The following DACH1 variants were observed in gnomAD, a reference collection of about 807,000 sequenced individuals.
The protein encoded by DACH1 is dachshund homolog 1.
A neutral mutation model predicts 54.2 loss-of-function variants in DACH1; 12 were observed. The observed-to-expected ratio is 0.22, with a 90% CI of 0.14 to 0.36. DACH1 has a LOEUF of 0.36. DACH1 is among the 10% of genes least tolerant of loss of function. The probability of loss-of-function intolerance (pLI) is 1.00; values close to 1 mark genes in which losing one functional copy is unlikely to be tolerated. For missense variants in DACH1, 805 were observed against 929.8 expected (o/e 0.87, Z 1.75); for synonymous variants, 386 against 366.2 (o/e 1.05, Z -0.62).
At chr13:71,850,222 G>C (rs1046178515) in intron 1 of DACH1, among the ~76,000 whole-genome samples, 1 of 152,110 alleles carries the variant, frequency 6.6e-6, no homozygotes, top group Non-Finnish European at 1.5e-5. Flanking sequence ...CTGATTACTG[G>C]CTACCTCCTT....
chr13:71,852,215 G>A (rs562270721), intron 1 of DACH1, among the ~76,000 whole-genome samples: 75 of 152,280 alleles, frequency 4.9e-4, no homozygotes, highest in African/African-American at 1.6e-3. Context: ...GTGACTACCC[G>A]CTGCTTAACA....
intron 7 of DACH1, among the ~76,000 whole-genome samples, chr13:71,486,542 AT>A (rs1281122751): frequency 1.3e-5 from 2 of 152,144 alleles, no homozygotes; most frequent in Non-Finnish European, 2.9e-5. Context: ...CTTTTGTAAA[AT>A]GATATGAAAT....
At chr13:71,802,824 G>A (rs187852392) in intron 1 of DACH1, among the ~76,000 whole-genome samples, 66 of 152,130 alleles carry the variant, frequency 4.3e-4, no homozygotes, top group African/African-American at 1.6e-3. Flanking sequence ...AAGTTTGGTT[G>A]TATTAAAAGC....
At chr13:71,455,223 TCA>T (rs1276407149) in intron 10 of DACH1, among the ~76,000 whole-genome samples, 2 of 152,164 alleles carry the variant, frequency 1.3e-5, no homozygotes, top group Admixed American at 1.3e-4. Context: ...CTATTTATTT[TCA>T]CACTTTTAAA....
chr13:71,798,327 T>TACATACATAC (rs1566507090), intron 1 of DACH1, among the ~76,000 whole-genome samples: 22 of 29,664 alleles, frequency 7.4e-4, no homozygotes, highest in African/African-American at 3.0e-3. Flanking sequence ...TACATACATA[T>TACATACATAC]ATATATATAT....
At chr13:71,497,609 G>A (rs1338079535) in intron 6 of DACH1, among the ~76,000 whole-genome samples, 1 of 152,052 alleles carries the variant, frequency 6.6e-6, no homozygotes, top group African/African-American at 2.4e-5. Flanking sequence ...TGGGATTACA[G>A]GCGTGAGCCA....
chr13:71,466,917 G>T (rs1876634166), intron 10 of DACH1, among the ~76,000 whole-genome samples: 1 of 149,562 alleles, frequency 6.7e-6, no homozygotes, highest in Non-Finnish European at 1.5e-5. Flanking sequence ...AATTTTCTCT[G>T]TCTAATTGAA....
intron 1 of DACH1, among the ~76,000 whole-genome samples, chr13:71,839,413 C>G (rs1485106819): frequency 2.0e-5 from 3 of 152,058 alleles, no homozygotes; most frequent in Non-Finnish European, 4.4e-5. Flanking sequence ...CAAGATCATC[C>G]TGGCTAATAC....
At chr13:71,659,924 G>T (rs574695379) in intron 2 of DACH1, among the ~76,000 whole-genome samples, 103 of 152,152 alleles carry the variant, frequency 6.8e-4, no homozygotes, top group African/African-American at 2.4e-3. Flanking sequence ...TTTTCTGTGT[G>T]TTATGTGTTG....
At chr13:71,656,600 T>C (rs1879106221) in intron 2 of DACH1, among the ~76,000 whole-genome samples, 1 of 152,010 alleles carries the variant, frequency 6.6e-6, no homozygotes, top group Non-Finnish European at 1.5e-5. Context: ...TTTACTACTT[T>C]ATTTCTTCTT....
intron 3 of DACH1, among the ~76,000 whole-genome samples, chr13:71,627,696 T>C (rs541212193): frequency 6.6e-6 from 1 of 152,192 alleles, no homozygotes; most frequent in Admixed American, 6.6e-5. Flanking sequence ...ATCTCATCCA[T>C]AGACTGTATG....
chr13:71,625,262 C>A (rs893803120), intron 3 of DACH1, among the ~76,000 whole-genome samples: 1 of 151,956 alleles, frequency 6.6e-6, no homozygotes, highest in Admixed American at 6.6e-5. Flanking sequence ...ATTAACATTG[C>A]CAAGGCAGAG....
At chr13:71,564,124 A>T (rs530313374) in intron 4 of DACH1, among the ~76,000 whole-genome samples, 1 of 152,152 alleles carries the variant, frequency 6.6e-6, no homozygotes, top group African/African-American at 2.4e-5. Flanking sequence ...TATAAGATGG[A>T]GAATAATGGA....
chr13:71,636,466 C>T (rs1017643873), intron 2 of DACH1, among the ~76,000 whole-genome samples: 3 of 151,652 alleles, frequency 2.0e-5, no homozygotes, highest in Non-Finnish European at 4.4e-5. Context: ...GCTAGAGATG[C>T]TTTATAATTC....
chr13:71,811,951 T>G (rs1887730244), intron 1 of DACH1, among the ~76,000 whole-genome samples: 1 of 152,208 alleles, frequency 6.6e-6, no homozygotes, highest in South Asian at 2.1e-4. Context: ...TCTACCTATT[T>G]TTATTCTCTA....
intron 3 of DACH1, among the ~76,000 whole-genome samples, chr13:71,626,097 G>T (rs1876626473): frequency 6.6e-6 from 1 of 151,804 alleles, no homozygotes; most frequent in Admixed American, 6.6e-5. Context: ...GTCTTTTCCT[G>T]CCTCTTGGTA....
intron 1 of DACH1, among the ~76,000 whole-genome samples, chr13:71,801,355 A>C (rs755086130): frequency 1.3e-5 from 2 of 152,154 alleles, no homozygotes; most frequent in African/African-American, 4.8e-5. Context: ...ATTGACAAGC[A>C]ATTTTGCAAC....
chr13:71,812,386 C>A (rs531053556), intron 1 of DACH1, among the ~76,000 whole-genome samples: 1 of 152,262 alleles, frequency 6.6e-6, no homozygotes, highest in Admixed American at 6.5e-5. Flanking sequence ...ATTTAATCAA[C>A]TTCTACTCTT....
chr13:71,635,056 A>T (rs1273511195), intron 2 of DACH1, among the ~76,000 whole-genome samples: 1 of 152,192 alleles, frequency 6.6e-6, no homozygotes, highest in Non-Finnish European at 1.5e-5. Flanking sequence ...TATCCCAAAC[A>T]TCTGCTGCGG....
Sources: allele counts gnomAD v4.1 joint callset (sites outside exome capture counted in the v4.1 genomes callset), GRCh38; gene constraint gnomAD v4.1.1; transcripts MANE v1.5; gene names NCBI Gene and HGNC (gene_info 2026-07-23, HGNC 2026-07-21).